The following DENND1A variants were observed in gnomAD, a reference collection of about 807,000 sequenced individuals.
DENND1A encodes the protein DENN domain containing 1A, also known as DENN domain-containing protein 1A.
In DENND1A, 51 loss-of-function variants were observed where a neutral mutation model predicts 113.7. That is an observed-to-expected ratio of 0.45 (90% CI 0.36 to 0.57). The LOEUF (loss-of-function observed/expected upper bound fraction) is 0.57. Ranked by LOEUF, DENND1A falls within the 20% of genes least tolerant of loss-of-function variation. The probability of loss-of-function intolerance (pLI) is 0.00; values close to 1 mark genes in which losing one functional copy is unlikely to be tolerated. For missense variants in DENND1A, 1,258 were observed against 1,395.9 expected, an observed-to-expected ratio of 0.90 and a Z score of 1.57; for synonymous variants, 565 against 570.8, an observed-to-expected ratio of 0.99 and a Z score of 0.14.
At chr9:123,810,490 T>G (rs1194323450) in intron 2 of DENND1A, among the ~76,000 whole-genome samples, 1 of 129,854 alleles carries the variant, frequency 7.7e-6, no homozygotes, top group African/African-American at 3.0e-5. Context: ...GGAGGGAGGA[T>G]CACTTGAGCT....
chr9:123,922,127 T>A (rs1564512942), intron 1 of DENND1A, among the ~76,000 whole-genome samples: 1 of 151,964 alleles, frequency 6.6e-6, no homozygotes, highest in Non-Finnish European at 1.5e-5. Context: ...AAAGACAGAG[T>A]TTCATCATGT....
chr9:123,830,230 C>G (rs1839970250), intron 2 of DENND1A, among the ~76,000 whole-genome samples: 1 of 151,958 alleles, frequency 6.6e-6, no homozygotes, highest in South Asian at 2.1e-4. Flanking sequence ...GAAGCCAGAA[C>G]CAAGAGAATT....
At chr9:123,436,476 A>G (rs911904568) in intron 19 of DENND1A, among the ~76,000 whole-genome samples, 13 of 152,190 alleles carry the variant, frequency 8.5e-5, no homozygotes, top group Non-Finnish European at 2.9e-5. Context: ...TGGCACTTTT[A>G]TCTCATTTGA....
At chr9:123,804,434 C>T (rs1590156067) in intron 2 of DENND1A, among the ~76,000 whole-genome samples, 1 of 152,206 alleles carries the variant, frequency 6.6e-6, no homozygotes, top group Non-Finnish European at 1.5e-5. Context: ...ACTCTCCTGC[C>T]TCACTGGCTT....
intron 2 of DENND1A, among the ~76,000 whole-genome samples, chr9:123,808,521 C>A (rs966106391): frequency 6.6e-6 from 1 of 151,962 alleles, no homozygotes; most frequent in Admixed American, 6.6e-5. Flanking sequence ...GCTGGACCTA[C>A]AGGCAAACGC....
intron 13 of DENND1A, among the ~76,000 whole-genome samples, chr9:123,513,078 T>C (rs1236743652): frequency 6.6e-6 from 1 of 152,232 alleles, no homozygotes; most frequent in Non-Finnish European, 1.5e-5. Flanking sequence ...AGTTGATTAC[T>C]ACCGAAATGT....
intron 2 of DENND1A, among the ~76,000 whole-genome samples, chr9:123,864,499 A>G (rs908142994): frequency 5.9e-5 from 9 of 152,200 alleles, no homozygotes; most frequent in African/African-American, 2.2e-4. Flanking sequence ...GCCTCATTGT[A>G]CTGTGGGAAG....
intron 2 of DENND1A, among the ~76,000 whole-genome samples, chr9:123,823,098 C>G (rs969273750): frequency 2.6e-5 from 4 of 152,116 alleles, no homozygotes; most frequent in African/African-American, 7.2e-5. Flanking sequence ...CTGTGCTAAA[C>G]TCGGGAACAA....
intron 13 of DENND1A, among the ~76,000 whole-genome samples, chr9:123,519,532 G>T (rs2054218676): frequency 6.6e-6 from 1 of 152,040 alleles, no homozygotes; most frequent in South Asian, 2.1e-4. Flanking sequence ...CCACCTGCCA[G>T]GTTCAAGTGA....
chr9:123,661,514 A>C (rs151180321), intron 8 of DENND1A, among the ~76,000 whole-genome samples: 72 of 152,354 alleles, frequency 4.7e-4, no homozygotes, highest in African/African-American at 1.7e-3. Flanking sequence ...CCAACTCCAA[A>C]GAAAAAGATT....
At chr9:123,926,567 C>CAAAAA (rs746978969) in intron 1 of DENND1A, among the ~76,000 whole-genome samples, 3 of 41,018 alleles carry the variant, frequency 7.3e-5, no homozygotes, top group African/African-American at 7.8e-5. Flanking sequence ...AACTCCATCT[C>CAAAAA]AAAAAAAAAA....
intron 2 of DENND1A, among the ~76,000 whole-genome samples, chr9:123,874,254 T>C (rs1260256614): frequency 7.2e-6 from 1 of 139,176 alleles, no homozygotes; most frequent in Non-Finnish European, 1.6e-5. Flanking sequence ...CTTTGTAGAG[T>C]AGGAAAATAT....
At chr9:123,462,973 C>T (rs770086338) in intron 13 of DENND1A, among the ~76,000 whole-genome samples, 22 of 152,116 alleles carry the variant, frequency 1.4e-4, no homozygotes, top group Non-Finnish European at 2.5e-4. Context: ...CGTCCACCTG[C>T]GTCCTGCAAG....
At chr9:123,404,228 G>T (rs1039902405) in intron 20 of DENND1A, among the ~76,000 whole-genome samples, 3 of 152,148 alleles carry the variant, frequency 2.0e-5, no homozygotes, top group African/African-American at 7.2e-5. Context: ...CGAACATGAG[G>T]GCCCACAGAG....
intron 13 of DENND1A, among the ~76,000 whole-genome samples, chr9:123,474,338 T>G (rs2049720490): frequency 6.6e-6 from 1 of 152,208 alleles, no homozygotes; most frequent in African/African-American, 2.4e-5. Flanking sequence ...ATCAAATAAT[T>G]ACAGAAGAAC....
intron 19 of DENND1A, chr9:123,413,347 G>C: frequency 2.3e-6 from 2 of 886,510 alleles, no homozygotes; most frequent in Non-Finnish European, 2.7e-6. Context: ...AATTTCACCT[G>C]TTTATGTTTC....
chr9:123,417,889 G>C (rs531612942), intron 19 of DENND1A, among the ~76,000 whole-genome samples: 34 of 152,106 alleles, frequency 2.2e-4, no homozygotes, highest in African/African-American at 7.0e-4. Flanking sequence ...ATAGATTGGG[G>C]GGGGGGCAGT....
intron 21 of DENND1A, among the ~76,000 whole-genome samples, chr9:123,395,642 T>C (rs1346945539): frequency 6.6e-6 from 1 of 152,076 alleles, no homozygotes; most frequent in Non-Finnish European, 1.5e-5. Context: ...CAGCTGCCCC[T>C]ACCCCCTGGG....
chr9:123,677,933 C>T (rs746203482), intron 5 of DENND1A, among the ~76,000 whole-genome samples: 3 of 152,112 alleles, frequency 2.0e-5, no homozygotes, highest in South Asian at 2.1e-4. Context: ...CCTCTCACTC[C>T]GGAACGTCCT....
Sources: gnomAD v4.1 joint callset for allele counts (sites outside exome capture counted in the v4.1 genomes callset) on GRCh38, gnomAD v4.1.1 for gene constraint, MANE v1.5 for transcripts, NCBI Gene and HGNC (gene_info 2026-07-23, HGNC 2026-07-21) for gene names.